Variants in SLF2 observed in about 807,000 individuals in gnomAD.
SLF2 encodes the protein SMC5-SMC6 complex localization factor protein 2.
SLF2 carries 68 observed loss-of-function variants against 124.3 expected under a neutral mutation model. The observed-to-expected ratio is 0.55, with a 90% CI of 0.45 to 0.67. SLF2 has a LOEUF of 0.67. Ranked by LOEUF, SLF2 falls within the 30% of genes least tolerant of loss-of-function variation. The pLI, the probability that SLF2 is intolerant of heterozygous loss-of-function variation, is 0.00. For missense variants in SLF2, 1,246 were observed against 1,373.7 expected (o/e 0.91, Z 1.47); for synonymous variants, 480 against 478.8 (o/e 1.00, Z -0.03).
intron 1 of SLF2, chr10:100,913,524 C>G (rs547046600): frequency 8.0e-7 from 1 of 1,251,532 alleles, no homozygotes; most frequent in Non-Finnish European, 1.0e-6. Flanking sequence ...TGATTTTTTT[C>G]CTTTGCAAGA....
rs1188508979 is a variant in SLF2, at chr10:100,937,494, A to G, written c.2512+17A>G. 7.0e-7 allele frequency: 1 copy of G among 1,425,458 alleles called. No homozygotes were observed. Among genetic ancestry groups the G allele is most frequent in the East Asian group, 2.3e-5 (1 of 44,002 alleles). 88.3% of individuals were successfully genotyped at this position (1,425,458 alleles called of 1,614,324 possible). A position where few individuals can be genotyped will look rare whatever the true frequency, so the allele number is the denominator to read the frequency against. ...TTAGAAATGGTAAGTATATCAACTT[A>G]TTAAGATTTACCGTGTGTATTATTG... On this transcript the variant is annotated intron_variant, in intron 10 of 19. Coordinates refer to ENST00000238961, the MANE Select transcript of SLF2 (RefSeq NM_018121.4).
At chr10:100,954,686 G>A (rs1018137880) in intron 17 of SLF2, among the ~76,000 whole-genome samples, 2 of 152,266 alleles carry the variant, frequency 1.3e-5, no homozygotes, top group East Asian at 3.9e-4. Flanking sequence ...GCTCATGCCT[G>A]TAATCCAACA....
chr10:100,919,051 C>T (rs1040108114), intron 4 of SLF2, among the ~76,000 whole-genome samples: 1 of 124,172 alleles, frequency 8.1e-6, no homozygotes, highest in South Asian at 2.7e-4. Flanking sequence ...CTCGCTCTGT[C>T]GCCCAGGCTG....
At position 100,950,663 on chromosome 10, in the gene SLF2, A is replaced by G. The variant is rs1434307227; in HGVS notation, c.3253-13A>G. On this transcript the variant is annotated splice_polypyrimidine_tract_variant and intron_variant, in intron 16 of 19. Transcript: ENST00000238961. ...TAATTCATAGGTGTTAATTTTATTCATTTCTCTAACAGGCATATTACCTGA... is the reference window on the plus strand; with the variant it reads ...TAATTCATAGGTGTTAATTTTATTCGTTTCTCTAACAGGCATATTACCTGA... 6 of 1,604,678 alleles carry G rather than the reference A, an allele frequency of 3.7e-6. No homozygotes were observed. The highest frequency in any genetic ancestry group is 5.1e-6 in the Non-Finnish European group (6 of 1,172,162).
chr10:100,943,076 C>T (rs1346180131), intron 11 of SLF2, among the ~76,000 whole-genome samples: 1 of 152,182 alleles, frequency 6.6e-6, no homozygotes, highest in Non-Finnish European at 1.5e-5. Context: ...AAGTTTCAGC[C>T]TTCTAGTCAC....
At chr10:100,930,470 C>G (rs922869365) in intron 8 of SLF2, among the ~76,000 whole-genome samples, 2 of 152,214 alleles carry the variant, frequency 1.3e-5, no homozygotes, top group East Asian at 3.8e-4. Flanking sequence ...TATGACCACA[C>G]TTGGCCACAA....
intron 14 of SLF2, 77 bp from the exon 15 acceptor site, chr10:100,947,680 GCTC>G: frequency 2.2e-6 from 2 of 910,052 alleles, no homozygotes; most frequent in South Asian, 1.6e-5. Flanking sequence ...TAGAACTAGA[GCTC>G]CTCTTGGCTC....
chr10:100,940,573 G>T (rs1438691703), intron 11 of SLF2, among the ~76,000 whole-genome samples: 1 of 152,090 alleles, frequency 6.6e-6, no homozygotes, highest in Non-Finnish European at 1.5e-5. Context: ...TGTTGCCCAG[G>T]CTGGTCTCGA....
In SLF2 at chr10:100,934,967, A is replaced by G. The variant is rs114176488; in HGVS notation, c.2437-2435A>G. On this transcript the variant is annotated intron_variant, in intron 9 of 19. Coordinates refer to ENST00000238961, the MANE Select transcript of SLF2 (RefSeq NM_018121.4). ...AAATGTATTACAATCTATGGCTTCT[A>G]AGCAAATGAAAAAGATAATAATAGA... 7.4e-3 allele frequency among the ~76,000 whole-genome samples: 1,121 copies of G among 152,242 alleles called. 24 individuals are homozygous for G. Among genetic ancestry groups the G allele is most frequent in the African/African-American group, 0.026 (1,081 of 41,538 alleles).
intron 7 of SLF2, 38 bp downstream of exon 7, chr10:100,929,477 G>C: frequency 6.6e-7 from 1 of 1,518,146 alleles, no homozygotes; most frequent in Non-Finnish European, 8.8e-7. Flanking sequence ...CCTTATTAAA[G>C]TTTTTACATT....
In SLF2 at chr10:100,917,058, C is replaced by A. The variant is rs757821791; in HGVS notation, c.673C>A (p.His225Asn). Residue 225 changes from histidine to asparagine, a missense_variant, in exon 3 of 20, where the codon CAC becomes AAC. By Grantham distance (68) the His-to-Asn change is moderately conservative. Around this residue, in one of 3 missense-constraint regions of SLF2, gnomAD observed 698 missense variants for 708.9 expected, o/e 0.98. Coordinates refer to ENST00000238961, the MANE Select transcript of SLF2 (RefSeq NM_018121.4). The part of the protein sequence containing the change: ...SLSSRSSLSR[H>N]HPEESPLGAK... ...TAGCAGCAGGAGCAGCCTGTCCAGG[C>A]ACCACCCGGAAGAAAGCCCACTGGG... is the stretch of plus-strand genomic sequence containing the variant. 1 of 1,614,190 alleles carries A rather than the reference C, an allele frequency of 6.2e-7. No homozygotes were observed. Among genetic ancestry groups the A allele is most frequent in the East Asian group, 2.2e-5 (1 of 44,886 alleles).
chr10:100,924,257 C>T lies in SLF2; in HGVS notation c.1256C>T (p.Ser419Phe). ...AATTCTGGCAATTCTGGCCACCATTCTACCAGGAATAGTGACCAAATCCAA... is the reference window on the plus strand; with the variant it reads ...AATTCTGGCAATTCTGGCCACCATTTTACCAGGAATAGTGACCAAATCCAA... Reference protein sequence around the residue: ...PSNSGNSGHHSTRNSDQIQVA... With the variant: ...PSNSGNSGHHFTRNSDQIQVA... Residue 419 changes from serine (S) to phenylalanine (F), a missense_variant, in exon 5 of 20, where the codon TCT (serine) becomes TTT (phenylalanine). Ser to Phe is a radical substitution (Grantham distance 155). This residue lies in a region of SLF2 where 698 missense variants were observed against 708.9 expected (regional missense o/e 0.98). Transcript: ENST00000238961. The T allele has an allele frequency of 6.2e-7, 1 of 1,614,126 alleles. No individual in the cohort carries two copies. Among genetic ancestry groups the T allele is most frequent in the African/African-American group, 1.3e-5 (1 of 75,036 alleles).
At chr10:100,956,049 C>G (rs1035680877) in intron 17 of SLF2, among the ~76,000 whole-genome samples, 1 of 151,512 alleles carries the variant, frequency 6.6e-6, no homozygotes, top group Non-Finnish European at 1.5e-5. Context: ...AGCCTGGCAC[C>G]AGAGCCAGAC....
At position 100,916,512 on chromosome 10, in the gene SLF2, ATAAATAT is replaced by A. The variant is rs202118103; in HGVS notation, c.185-49_185-43del. 1,243 of 1,189,726 alleles carry A rather than the reference ATAAATAT, an allele frequency of 1.0e-3. 23 individuals carry two copies. In the East Asian group the frequency reaches 0.038, roughly 36 times the overall value. The allele number at this position is 1,189,726 out of a possible 1,614,324, so 73.7% of individuals were successfully genotyped here. A position where few individuals can be genotyped will look rare whatever the true frequency, so the allele number is the denominator to read the frequency against. On this transcript the variant is annotated intron_variant, in intron 2 of 19. Coordinates refer to ENST00000238961, the MANE Select transcript of SLF2 (RefSeq NM_018121.4). The stretch of plus-strand genomic sequence containing the variant: ...TATATTTTAAACATTAATAATTTAG[ATAAATAT>A]TAAATATTTTACTAACATGCAATTT...
rs1849576825 is a variant in SLF2 at position 100,924,513 on chromosome 10, G to A, written c.1512G>A (p.Glu504=). 1.2e-6 allele frequency: 2 copies of A among 1,614,084 alleles called. No individual in the cohort carries two copies. Among genetic ancestry groups the A allele is most frequent in the Non-Finnish European group, 1.7e-6 (2 of 1,180,038 alleles). The change falls in exon 5 of 20, where the codon GAG becomes GAA. Residue 504 remains glutamate (E), a synonymous_variant. Coordinates refer to ENST00000238961, the MANE Select transcript of SLF2 (RefSeq NM_018121.4). Reference sequence around the variant, plus strand: ...TTCCAGTTTCTAAAAAAGATAAAGAGCGTTCCTCATCTAAAGAATGTTCTG... The same window carrying A: ...TTCCAGTTTCTAAAAAAGATAAAGAACGTTCCTCATCTAAAGAATGTTCTG... ...CALPVSKKDK[E]RSSSKECSGH... is the part of the protein sequence containing the mutation.
rs1849876382 is a variant in SLF2 at position 100,936,987 on chromosome 10, C to T, written c.2437-415C>T. On this transcript the variant is annotated intron_variant, in intron 9 of 19. Transcript: ENST00000238961. ...TATTTAATCTCTCTGAACCTATTTG[C>T]TCATATGTGTAATGAGTACTACTTC... Among the ~76,000 whole-genome samples the T allele has an allele frequency of 2.0e-5, 3 of 152,066 alleles. No homozygotes were observed. The South Asian group carries it at 6.2e-4, about 31-fold the overall frequency.
chr10:100,937,422 CTG>C lies in SLF2; in HGVS notation c.2459_2460del (p.Cys820TyrfsTer16). 1 of 1,609,676 alleles carries C rather than the reference CTG, an allele frequency of 6.2e-7. No individual in the cohort carries two copies. The highest frequency in any genetic ancestry group is 8.5e-7 in the Non-Finnish European group (1 of 1,176,140). ...LFRMMSVHTDCIVSVQILSTL... is the reference protein window; with the variant it reads ...LFRMMSVHTDXIVSVQILSTL... ...GACAGATGATGTCAGTTCATACAGA[CTG>C]TATTGTGTCAGTGCAGATTTTAAGT... On this transcript the variant is annotated frameshift_variant, in exon 10 of 20. Transcript: ENST00000238961. LOFTEE classifies it high-confidence loss of function.
At chr10:100,947,563 T>C (rs1215391406) in intron 14 of SLF2, among the ~76,000 whole-genome samples, 197 bp from the exon 15 acceptor site, 1 of 152,184 alleles carries the variant, frequency 6.6e-6, no homozygotes, top group East Asian at 1.9e-4. Context: ...GAGCTTCAGA[T>C]AACTCAAGTT....
intron 9 of SLF2, 68 bp from the exon 10 acceptor site, chr10:100,937,334 C>T (rs1849884178): frequency 8.0e-7 from 1 of 1,251,242 alleles, no homozygotes; most frequent in Non-Finnish European, 1.2e-6. Context: ...TTTATATGTG[C>T]CTAGCAAATA....
Sources: allele counts gnomAD v4.1 joint callset (sites outside exome capture counted in the v4.1 genomes callset), GRCh38; gene constraint gnomAD v4.1.1; regional missense constraint gnomAD v4.1.1; transcripts MANE v1.5; gene names NCBI Gene and HGNC (gene_info 2026-07-23, HGNC 2026-07-21).